Variants in NEU4 observed in about 807,000 individuals in gnomAD.
NEU4 encodes the protein sialidase-4.
In NEU4, 7 loss-of-function variants were observed where a neutral mutation model predicts 9.9. The ratio of observed to expected loss-of-function variants is 0.71; its 90% CI spans 0.40 to 1.33. The LOEUF (loss-of-function observed/expected upper bound fraction) is 1.33, where lower values mean the gene tolerates loss of function less well. NEU4 is among the 40% of genes most tolerant of loss of function. The pLI is 0.01. For missense variants in NEU4, 717 were observed against 712.6 expected, an observed-to-expected ratio of 1.01 and a Z score of -0.07; for synonymous variants, 348 against 316.9, an observed-to-expected ratio of 1.10 and a Z score of -1.04.
rs375117038 is a variant in NEU4, at chr2:241,815,119, C to G, written c.429C>G (p.Thr143=). 5 of 1,572,232 alleles carry G rather than the reference C, an allele frequency of 3.2e-6. No homozygotes were observed. Among genetic ancestry groups the G allele is most frequent in the Non-Finnish European group, 3.4e-6 (4 of 1,162,960 alleles). Residue 143 remains threonine (T), a synonymous_variant, in exon 3 of 4, where the codon ACC becomes ACG. Transcript: ENST00000407683. ...CGTGGGGCAGCGCCCGGGACCTCAC[C>G]GAGGAGGCCATCGGTGGTGCCGTGC... is the stretch of plus-strand genomic sequence containing the variant. ...GLSWGSARDL[T]EEAIGGAVQD...
intron 1 of NEU4, chr2:241,814,029 C>A: frequency 2.5e-6 from 1 of 402,018 alleles, no homozygotes; most frequent in South Asian, 1.9e-5. Context: ...GGTGCTGTGG[C>A]CTCTATTCTG....
chr2:241,814,457 C>T, intron 1 of NEU4, 25 bp from the exon 2 acceptor site: 2 of 1,600,784 alleles, frequency 1.2e-6, no homozygotes, highest in South Asian at 2.2e-5. Context: ...GTCTTGCTGA[C>T]CTGTGGCCCT....
rs1261358653 is a variant in NEU4, at chr2:241,817,088, G to C, written c.*40G>C. 1 of 1,506,140 alleles carries C rather than the reference G, an allele frequency of 6.6e-7. No homozygotes were observed. Among genetic ancestry groups the C allele is most frequent in the Non-Finnish European group, 8.8e-7 (1 of 1,132,000 alleles). The allele number at this position is 1,506,140 out of a possible 1,614,324, so 93.3% of individuals were successfully genotyped here. On this transcript the variant is annotated 3_prime_UTR_variant, in exon 4 of 4. Coordinates refer to ENST00000407683, the MANE Select transcript of NEU4 (RefSeq NM_001167600.3). ...GTGCCCATGCCCCTTGGGTGCCTGGGGCAGAGGGGTGGAATACGTTGGGGT... is the reference window on the plus strand; with the variant it reads ...GTGCCCATGCCCCTTGGGTGCCTGGCGCAGAGGGGTGGAATACGTTGGGGT...
rs1326835692 is a variant in NEU4, at chr2:241,814,692, G to C, written c.201+7G>C. On this transcript the variant is annotated splice_region_variant and intron_variant, in intron 2 of 3. Transcript: ENST00000407683. ...GGCCGGGGGCTCCGTGCGGGTGAGT[G>C]AGTGGCCGGGGGCTCTGTGTGGGTG... 1 of 1,542,346 alleles carries C rather than the reference G, an allele frequency of 6.5e-7. No individual in the cohort carries two copies. Among genetic ancestry groups the C allele is most frequent in the Non-Finnish European group, 8.7e-7 (1 of 1,146,880 alleles).
chr2:241,814,268 G>C (rs34241734), intron 1 of NEU4: 208,247 of 618,978 alleles, frequency 0.34, 36,909 homozygotes, highest in East Asian at 0.5. Context: ...ATTTGGGGTG[G>C]AGTGGGTGCG....
In NEU4 at chr2:241,812,523, G is replaced by GGGCTGGCC. The variant is rs1196376133; in HGVS notation, c.-3-1959_-3-1958insGGCTGGCC. On this transcript the variant is annotated intron_variant, in intron 1 of 3. Coordinates refer to ENST00000407683, the MANE Select transcript of NEU4 (RefSeq NM_001167600.3). ...AGGCTCTGTGGAACCCAGGGAACTG[G>GGGCTGGCC]TCACACTGAGGACACGGAGGCTCTG... 5.3e-3 allele frequency among the ~76,000 whole-genome samples: 354 copies of GGGCTGGCC among 66,686 alleles called. 3 individuals are homozygous for GGGCTGGCC. The highest frequency in any genetic ancestry group is 0.021 in the Middle Eastern group (2 of 96). The allele number at this position is 66,686 out of a possible 152,430, so 43.7% of individuals were successfully genotyped here.
In NEU4 at chr2:241,816,936, A is replaced by T. The variant is rs1700370392; in HGVS notation, c.1343A>T (p.Asp448Val). ...GAGAGCGGGGCCAGGACCTCCTATG[A>T]TGAGATTTCCTTTTGTACATTCTCC... is the stretch of plus-strand genomic sequence containing the variant. ...LYESGARTSY[D>V]EISFCTFSLR... The change falls in exon 4 of 4, where the codon GAT (aspartate) becomes GTT (valine). Residue 448 changes from aspartate (D) to valine (V), a missense_variant. Coordinates refer to ENST00000407683, the MANE Select transcript of NEU4 (RefSeq NM_001167600.3). The T allele has an allele frequency of 6.2e-7, 1 of 1,612,740 alleles. No individual in the cohort carries two copies. The highest frequency in any genetic ancestry group is 8.5e-7 in the Non-Finnish European group (1 of 1,179,918).
chr2:241,816,877 C>T lies in NEU4; in HGVS notation c.1284C>T (p.Ala428=), dbSNP rs2293763. Residue 428 remains alanine (A), a synonymous_variant, in exon 4 of 4, where the codon GCC becomes GCT. Coordinates refer to ENST00000407683, the MANE Select transcript of NEU4 (RefSeq NM_001167600.3). The part of the protein sequence containing the change: ...GYSDLASIGP[A]PEGGLVFACL... ...CCGACCTGGCGTCCATCGGGCCGGC[C>T]CCTGAGGGGGGCCTGGTTTTTGCCT... 990,114 of 1,612,210 alleles carry T rather than the reference C, an allele frequency of 0.61. 306,098 individuals are homozygous for T. The highest frequency in any genetic ancestry group is 0.64 in the Non-Finnish European group (749,593 of 1,179,728).
chr2:241,814,838 G>A (rs1700256213), intron 2 of NEU4, 54 bp from the exon 3 acceptor site: 6 of 1,572,278 alleles, frequency 3.8e-6, no homozygotes, highest in South Asian at 3.5e-5. Flanking sequence ...CCTGCGGGGG[G>A]CTGTGCCCAG....
Position 241,817,313 on chromosome 2 carries a change from G to A in NEU4, c.*265G>A. On this transcript the variant is annotated 3_prime_UTR_variant, in exon 4 of 4. Coordinates refer to ENST00000407683, the MANE Select transcript of NEU4 (RefSeq NM_001167600.3). ...CACAGCTCCCTTCCGAGGCTGCAGG[G>A]CCAGGCGCGGGACCGCAGGTAGCCC... is the stretch of plus-strand genomic sequence containing the variant. 2.1e-6 allele frequency: 1 copy of A among 465,606 alleles called. No individual in the cohort carries two copies. The highest frequency in any genetic ancestry group is 3.8e-5 in the Admixed American group (1 of 26,266). 28.8% of individuals were successfully genotyped at this position (465,606 alleles called of 1,614,324 possible). A position where few individuals can be genotyped will look rare whatever the true frequency, so the allele number is the denominator to read the frequency against.
chr2:241,810,882 C>G (rs76356158), intron 1 of NEU4: 64,554 of 145,884 alleles, frequency 0.44, 19,667 homozygotes, highest in African/African-American at 0.7. Flanking sequence ...GAGTCCTGCA[C>G]GGCAGCTGTG....
intron 1 of NEU4, among the ~76,000 whole-genome samples, chr2:241,812,603 C>G (rs1206611137): frequency 3.2e-3 from 204 of 64,302 alleles, no homozygotes; most frequent in African/African-American, 0.01. Context: ...GACAGAGGGA[C>G]CTCCTGAGGA....
chr2:241,811,311 G>T (rs554295680), intron 1 of NEU4: 4 of 1,325,222 alleles, frequency 3.0e-6, no homozygotes, highest in Non-Finnish European at 2.9e-6. Flanking sequence ...CAGTGGAGCC[G>T]TGCCACCGTG....
intron 1 of NEU4, chr2:241,811,134 CT>C: frequency 8.2e-7 from 1 of 1,217,130 alleles, no homozygotes; most frequent in Non-Finnish European, 1.0e-6. Flanking sequence ...CAACTGCGGC[CT>C]CACAGCTGGG....
Position 241,814,479 on chromosome 2 carries a change from C to CAGAGCAT in NEU4, c.-3-2_2dup. 6.2e-7 allele frequency: 1 copy of CAGAGCAT among 1,610,324 alleles called. No individual in the cohort carries two copies. The highest frequency in any genetic ancestry group is 8.5e-7 in the Non-Finnish European group (1 of 1,178,158). ...TGACCTGTGGCCCTGTACTGACCAGCAGAGCATGGGGGTCCCTCGTACCCC... is the reference window on the plus strand; with the variant it reads ...TGACCTGTGGCCCTGTACTGACCAGCAGAGCATAGAGCATGGGGGTCCCTCGTACCCC... On this transcript the variant is annotated splice_polypyrimidine_tract_variant and splice_region_variant and intron_variant, in intron 1 of 3. Coordinates refer to ENST00000407683, the MANE Select transcript of NEU4 (RefSeq NM_001167600.3).
chr2:241,814,088 C>A, intron 1 of NEU4: 1 of 520,694 alleles, frequency 1.9e-6, no homozygotes, highest in Non-Finnish European at 3.8e-6. Context: ...TCATTGTCCA[C>A]ATGACCTCCT....
Position 241,815,132 on chromosome 2 carries a change from G to T in NEU4, c.442G>T (p.Gly148Cys). The stretch of plus-strand genomic sequence containing the variant: ...CCGGGACCTCACCGAGGAGGCCATC[G>T]GTGGTGCCGTGCAGGGTAGGCGGGC... The part of the protein sequence containing the change: ...SARDLTEEAI[G>C]GAVQDWATFA... Residue 148 changes from glycine (G) to cysteine (C), a missense_variant, in exon 3 of 4, where the codon GGT becomes TGT. Coordinates refer to ENST00000407683, the MANE Select transcript of NEU4 (RefSeq NM_001167600.3). 1 of 1,567,380 alleles carries T rather than the reference G, an allele frequency of 6.4e-7. No homozygotes were observed. Among genetic ancestry groups the T allele is most frequent in the Non-Finnish European group, 8.6e-7 (1 of 1,159,588 alleles).
intron 1 of NEU4, chr2:241,814,028 G>T: frequency 2.5e-6 from 1 of 399,242 alleles, no homozygotes. Flanking sequence ...CGGTGCTGTG[G>T]CCTCTATTCT....
chr2:241,812,496 G>A (rs1036594603), intron 1 of NEU4, among the ~76,000 whole-genome samples: 3 of 147,298 alleles, frequency 2.0e-5, no homozygotes, highest in South Asian at 4.2e-4. Flanking sequence ...CCGAGGACAC[G>A]GAGGCTCTGT....
Sources: allele counts gnomAD v4.1 joint callset (sites outside exome capture counted in the v4.1 genomes callset), GRCh38; gene constraint gnomAD v4.1.1; transcripts MANE v1.5; gene names NCBI Gene and HGNC (gene_info 2026-07-23, HGNC 2026-07-21).